The following MAGI2 variants were observed in gnomAD, a reference collection of about 807,000 sequenced individuals.
The protein encoded by MAGI2 is membrane associated guanylate kinase, WW and PDZ domain containing 2, also known as membrane-associated guanylate kinase, WW and PDZ domain-containing protein 2.
MAGI2 carries 35 observed loss-of-function variants against 133.3 expected under a neutral mutation model. The observed-to-expected ratio is 0.26, with a 90% CI of 0.20 to 0.35. MAGI2 has a LOEUF of 0.35. Among genes scored for constraint, MAGI2 ranks in the 10% least tolerant of loss-of-function variants. MAGI2 has a pLI of 1.00. For missense variants in MAGI2, 1,636 were observed against 1,863.4 expected, an observed-to-expected ratio of 0.88 and a Z score of 2.25; for synonymous variants, 729 against 710.6, an observed-to-expected ratio of 1.03 and a Z score of -0.41.
At chr7:78,805,270 A>C (rs77268813) in intron 2 of MAGI2, among the ~76,000 whole-genome samples, 7 of 150,468 alleles carry the variant, frequency 4.7e-5, no homozygotes, top group East Asian at 3.9e-4. Context: ...AAAAAAAAAA[A>C]CCCACAAAAC....
At chr7:79,345,482 A>G (rs1036657881) in intron 1 of MAGI2, among the ~76,000 whole-genome samples, 4 of 152,100 alleles carry the variant, frequency 2.6e-5, no homozygotes, top group African/African-American at 7.2e-5. Flanking sequence ...ACTTTGCTAC[A>G]ACAGTCCGAG....
intron 6 of MAGI2, among the ~76,000 whole-genome samples, chr7:78,476,455 G>A (rs1362515463): frequency 2.0e-5 from 3 of 151,884 alleles, no homozygotes; most frequent in Admixed American, 1.3e-4. Context: ...AATTTTGTTG[G>A]CCAAATATGG....
chr7:79,235,834 T>TG (rs1319943828), intron 1 of MAGI2, among the ~76,000 whole-genome samples: 1 of 152,234 alleles, frequency 6.6e-6, no homozygotes, highest in Non-Finnish European at 1.5e-5. Flanking sequence ...TCTAAGTCAT[T>TG]GCCTTACCTT....
At chr7:78,714,957 A>G (rs1024554852) in intron 2 of MAGI2, among the ~76,000 whole-genome samples, 3 of 152,216 alleles carry the variant, frequency 2.0e-5, no homozygotes, top group Non-Finnish European at 4.4e-5. Context: ...CTAAAGCGCT[A>G]GAGTTTTCAA....
At chr7:78,595,641 A>G (rs771052368) in intron 3 of MAGI2, among the ~76,000 whole-genome samples, 1 of 152,248 alleles carries the variant, frequency 6.6e-6, no homozygotes, top group Non-Finnish European at 1.5e-5. Flanking sequence ...GACAATCAGC[A>G]TAATGAGAAT....
chr7:78,874,420 G>C (rs191446589), intron 2 of MAGI2, among the ~76,000 whole-genome samples: 2 of 152,182 alleles, frequency 1.3e-5, no homozygotes, highest in South Asian at 4.1e-4. Context: ...TCTGGCTTTT[G>C]GTAATGGCGG....
intron 1 of MAGI2, among the ~76,000 whole-genome samples, chr7:79,046,399 C>G (rs1812185474): frequency 6.6e-6 from 1 of 152,168 alleles, no homozygotes; most frequent in African/African-American, 2.4e-5. Flanking sequence ...GAAACCAACC[C>G]TACAGACATC....
chr7:78,425,928 A>T (rs2151419825), intron 6 of MAGI2, among the ~76,000 whole-genome samples: 1 of 152,326 alleles, frequency 6.6e-6, no homozygotes, highest in Non-Finnish European at 1.5e-5. Context: ...AAAATAATAC[A>T]ATAATTCACA....
intron 4 of MAGI2, among the ~76,000 whole-genome samples, chr7:78,514,532 C>T (rs571552846): frequency 1.3e-5 from 2 of 152,218 alleles, no homozygotes; most frequent in South Asian, 2.1e-4. Context: ...ACTCTGGGAA[C>T]AAGATCATAA....
chr7:78,444,868 AATTTAT>A (rs1216315514), intron 6 of MAGI2, among the ~76,000 whole-genome samples: 4 of 148,004 alleles, frequency 2.7e-5, no homozygotes, highest in Admixed American at 1.4e-4. Context: ...AAAATATATA[AATTTAT>A]ATTTATATGT....
chr7:78,959,556 G>A (rs985166852), intron 2 of MAGI2, among the ~76,000 whole-genome samples: 2 of 152,092 alleles, frequency 1.3e-5, no homozygotes, highest in African/African-American at 2.4e-5. Context: ...CACAGGCTAC[G>A]TCATTGAAGC....
chr7:78,148,934 C>T (rs964337227), intron 16 of MAGI2, among the ~76,000 whole-genome samples: 2 of 151,976 alleles, frequency 1.3e-5, no homozygotes, highest in African/African-American at 2.4e-5. Flanking sequence ...TCATCAGACT[C>T]GTCTTAGAAT....
At chr7:78,345,275 A>C (rs1790775918) in intron 8 of MAGI2, among the ~76,000 whole-genome samples, 5 of 152,224 alleles carry the variant, frequency 3.3e-5, no homozygotes, top group African/African-American at 1.2e-4. Context: ...ATTATGCTGC[A>C]GTATATGGCG....
intron 6 of MAGI2, among the ~76,000 whole-genome samples, chr7:78,488,333 A>C (rs10156060): frequency 0.46 from 69,500 of 151,842 alleles, 16,206 homozygotes; most frequent in South Asian, 0.61. Context: ...CGTCTCTCTC[A>C]GGATTTTAAA....
intron 1 of MAGI2, among the ~76,000 whole-genome samples, chr7:79,441,023 C>A (rs1585993113): frequency 6.6e-6 from 1 of 152,208 alleles, no homozygotes; most frequent in African/African-American, 2.4e-5. Flanking sequence ...CTCAGAAACT[C>A]CCCAAGGGAA....
chr7:78,597,580 G>A (rs1396922677), intron 3 of MAGI2, among the ~76,000 whole-genome samples: 1 of 152,148 alleles, frequency 6.6e-6, no homozygotes, highest in African/African-American at 2.4e-5. Flanking sequence ...TAAAGGGAAA[G>A]GCAGAGATCA....
rs572224537 is a variant in MAGI2, at chr7:79,146,906, C to T, written c.302-139700G>A. ...GCCCTGATGGAGTAAGATATTTCGTCTTTCTGTCCTAATAGACTGTGCTTT... is the reference window on the plus strand; with the variant it reads ...GCCCTGATGGAGTAAGATATTTCGTTTTTCTGTCCTAATAGACTGTGCTTT... On this transcript the variant is annotated intron_variant, in intron 1 of 21. Coordinates refer to ENST00000354212, the MANE Select transcript of MAGI2 (RefSeq NM_012301.4). Among the ~76,000 whole-genome samples the T allele has an allele frequency of 3.9e-5, 6 of 152,324 alleles. No homozygotes were observed. The South Asian group carries it at 1.2e-3, about 32-fold the overall frequency.
At chr7:79,275,292 C>T (rs913653000) in intron 1 of MAGI2, among the ~76,000 whole-genome samples, 2 of 152,042 alleles carry the variant, frequency 1.3e-5, no homozygotes, top group Admixed American at 6.6e-5. Context: ...GATAAGAAGT[C>T]AAAACAGCCT....
At chr7:78,413,483 CT>C (rs144466493) in intron 6 of MAGI2, among the ~76,000 whole-genome samples, 4,894 of 152,096 alleles carry the variant, frequency 0.032, 121 homozygotes, top group Non-Finnish European at 0.049. Context: ...GTAAGTTCAG[CT>C]CTGCATATAT....
Sources: gnomAD v4.1 joint callset for allele counts (sites outside exome capture counted in the v4.1 genomes callset) on GRCh38, gnomAD v4.1.1 for gene constraint, MANE v1.5 for transcripts, NCBI Gene and HGNC (gene_info 2026-07-23, HGNC 2026-07-21) for gene names.